The following IL1RAPL1 variants were observed in gnomAD, a reference collection of about 807,000 sequenced individuals.
The protein encoded by IL1RAPL1 is interleukin 1 receptor accessory protein like 1.
In IL1RAPL1, 3 loss-of-function variants were observed where a neutral mutation model predicts 48.4. That is an observed-to-expected ratio of 0.06 (90% CI 0.03 to 0.16). The LOEUF (loss-of-function observed/expected upper bound fraction) is 0.16. Ranked by LOEUF, IL1RAPL1 falls within the 10% of genes least tolerant of loss-of-function variation. The pLI is 1.00. For synonymous variants in IL1RAPL1, 185 were observed against 187.7 expected (o/e 0.99, Z 0.12); for missense variants, 349 against 530.6 (o/e 0.66, Z 3.36).
intron 2 of IL1RAPL1, among the ~76,000 whole-genome samples, chrX:29,146,743 A>G (rs772214371): frequency 2.4e-4 from 27 of 112,228 alleles, no homozygotes; most frequent in Admixed American, 1.7e-3. Flanking sequence ...CATGAAAACA[A>G]GTATTAATGG....
At chrX:29,396,176 T>G in intron 3 of IL1RAPL1, 82 bp from the exon 4 acceptor site, 1 of 824,220 alleles carries the variant, frequency 1.2e-6, no homozygotes, top group East Asian at 3.2e-5. Context: ...TGCTTTTCTT[T>G]TAAGTGAATT....
chrX:29,781,204 T>A (rs974879171), intron 6 of IL1RAPL1, among the ~76,000 whole-genome samples: 4 of 112,211 alleles, frequency 3.6e-5, no homozygotes, highest in Non-Finnish European at 5.6e-5. Flanking sequence ...GAAACTATAA[T>A]GTATTAAGCC....
At chrX:29,619,750 A>G (rs1924402102) in intron 5 of IL1RAPL1, among the ~76,000 whole-genome samples, 1 of 111,869 alleles carries the variant, frequency 8.9e-6, no homozygotes, top group Non-Finnish European at 1.9e-5. Context: ...ACTGATATCA[A>G]TGATCATAAT....
At chrX:29,424,820 T>A (rs1019525903) in intron 5 of IL1RAPL1, among the ~76,000 whole-genome samples, 1 of 111,963 alleles carries the variant, frequency 8.9e-6, no homozygotes, top group Non-Finnish European at 1.9e-5. Flanking sequence ...TGGGAAGGTT[T>A]CGTTTAGCTG....
At chrX:29,591,035 C>T (rs1348660337) in intron 5 of IL1RAPL1, among the ~76,000 whole-genome samples, 3 of 112,065 alleles carry the variant, frequency 2.7e-5, no homozygotes, top group East Asian at 2.8e-4. Flanking sequence ...AGGCATGCAC[C>T]GTAGGGTAAA....
intron 3 of IL1RAPL1, among the ~76,000 whole-genome samples, chrX:29,350,203 A>ATATATATATATATATATATATATATATC: frequency 1.3e-5 from 1 of 75,530 alleles, no homozygotes; most frequent in African/African-American, 6.7e-5. Context: ...ATATATATAT[A>ATATATATATATATATATATATATATATC]TATATATATA....
chrX:29,328,346 G>A, intron 3 of IL1RAPL1, among the ~76,000 whole-genome samples: 1 of 111,175 alleles, frequency 9.0e-6, no homozygotes, highest in Non-Finnish European at 1.9e-5. Context: ...CAAGGCCAAT[G>A]AAAAGGCTTA....
chrX:29,633,215 A>G (rs1398117780), intron 5 of IL1RAPL1, among the ~76,000 whole-genome samples: 1 of 111,490 alleles, frequency 9.0e-6, no homozygotes, highest in Non-Finnish European at 1.9e-5. Flanking sequence ...AGTGACTCTC[A>G]CAAACATAAT....
At position 29,080,102 on chromosome X, in the gene IL1RAPL1, G is replaced by C. The variant is rs753024459; in HGVS notation, c.83-202836G>C. 9.0e-5 allele frequency among the ~76,000 whole-genome samples: 10 copies of C among 110,637 alleles called. No homozygotes were observed. In the South Asian group the frequency reaches 3.9e-3, roughly 43 times the overall value. ...TAAAACATGTTTATATAAAGTAAAGGGGGCTGGGCACAGTGTCTCACCCCT... is the reference window on the plus strand; with the variant it reads ...TAAAACATGTTTATATAAAGTAAAGCGGGCTGGGCACAGTGTCTCACCCCT... On this transcript the variant is annotated intron_variant, in intron 2 of 10. Transcript: ENST00000378993.
chrX:29,263,366 T>A (rs1461015627), intron 2 of IL1RAPL1, among the ~76,000 whole-genome samples: 2 of 112,235 alleles, frequency 1.8e-5, no homozygotes, highest in African/African-American at 6.5e-5. Flanking sequence ...GCAATTCAGT[T>A]AATACTCAGT....
At chrX:29,508,096 A>G (rs796877425) in intron 5 of IL1RAPL1, among the ~76,000 whole-genome samples, 6 of 111,564 alleles carry the variant, frequency 5.4e-5, no homozygotes, top group Admixed American at 9.5e-5. Context: ...TCCTCCTTCT[A>G]CTGTTTTTTT....
chrX:28,619,962 G>A (rs1168349819), intron 1 of IL1RAPL1, among the ~76,000 whole-genome samples: 1 of 111,106 alleles, frequency 9.0e-6, no homozygotes, highest in Non-Finnish European at 1.9e-5. Flanking sequence ...TATTCTAAGG[G>A]GGGCATAAAG....
At chrX:29,091,384 G>A (rs1928087923) in intron 2 of IL1RAPL1, among the ~76,000 whole-genome samples, 1 of 111,577 alleles carries the variant, frequency 9.0e-6, no homozygotes, top group South Asian at 3.8e-4. Context: ...AGTCTCCCCT[G>A]CTCTGCTAAT....
intron 2 of IL1RAPL1, among the ~76,000 whole-genome samples, chrX:29,255,488 A>C (rs1205976608): frequency 2.7e-5 from 3 of 110,548 alleles, no homozygotes; most frequent in Non-Finnish European, 1.9e-5. Flanking sequence ...CAGGGTGTAC[A>C]TGTACAGGTT....
At chrX:29,258,607 T>A in intron 2 of IL1RAPL1, among the ~76,000 whole-genome samples, 1 of 111,101 alleles carries the variant, frequency 9.0e-6, no homozygotes, top group African/African-American at 3.3e-5. Flanking sequence ...AGTTTTTTTT[T>A]TTTAGAAATT....
intron 5 of IL1RAPL1, among the ~76,000 whole-genome samples, chrX:29,637,281 C>CATATATATAT (rs58166479): frequency 3.7e-4 from 37 of 98,898 alleles, no homozygotes; most frequent in African/African-American, 1.2e-3. Context: ...ATATATATAA[C>CATATATATAT]ATATATATAT....
chrX:29,761,835 C>A (rs1928760620), intron 6 of IL1RAPL1, among the ~76,000 whole-genome samples: 1 of 111,773 alleles, frequency 8.9e-6, no homozygotes, highest in Non-Finnish European at 1.9e-5. Context: ...TATCTAACAA[C>A]CTGAATTTAT....
intron 6 of IL1RAPL1, among the ~76,000 whole-genome samples, chrX:29,800,481 A>G (rs1929847481): frequency 1.1e-5 from 1 of 94,786 alleles, no homozygotes. Context: ...ATTATAGGAG[A>G]CTCATATCCC....
chrX:29,431,082 C>T, intron 5 of IL1RAPL1, among the ~76,000 whole-genome samples: 1 of 111,665 alleles, frequency 9.0e-6, no homozygotes, highest in South Asian at 3.7e-4. Context: ...ATGCGGTCTA[C>T]AATATAACAC....
Sources: allele counts gnomAD v4.1 joint callset (sites outside exome capture counted in the v4.1 genomes callset), GRCh38; gene constraint gnomAD v4.1.1; transcripts MANE v1.5; gene names NCBI Gene and HGNC (gene_info 2026-07-23, HGNC 2026-07-21).